The following HPS4 variants were observed in gnomAD, a reference collection of about 807,000 sequenced individuals.
The protein encoded by HPS4 is HPS4 biogenesis of lysosomal organelles complex 3 subunit 2, also known as BLOC-3 complex member HPS4.
HPS4 carries 44 observed loss-of-function variants against 70.3 expected under a neutral mutation model. The ratio of observed to expected loss-of-function variants is 0.63; its 90% CI spans 0.49 to 0.80. HPS4 has a LOEUF of 0.80. Among genes scored for constraint, HPS4 ranks in the 30% least tolerant of loss-of-function variants. HPS4 has a pLI of 0.00. For missense variants in HPS4, 873 were observed against 884.4 expected (o/e 0.99, Z 0.16); for synonymous variants, 377 against 355.9 (o/e 1.06, Z -0.67).
chr22:26,467,291 G>C (rs572497961), intron 8 of HPS4: 2 of 152,132 alleles, frequency 1.3e-5, no homozygotes, highest in South Asian at 2.1e-4. Context: ...GGCTTTGCAG[G>C]GCATATGGTC....
chr22:26,456,630 G>T (rs1013346866), intron 13 of HPS4, among the ~76,000 whole-genome samples: 1 of 152,222 alleles, frequency 6.6e-6, no homozygotes, highest in African/African-American at 2.4e-5. Flanking sequence ...CTGCACTCCA[G>T]CCTGGCGAGA....
rs1328774721 is a variant in HPS4 at position 26,452,298 on chromosome 22, T to C, written c.*935A>G. The C allele has an allele frequency of 3.5e-5, 16 of 455,556 alleles. No individual in the cohort carries two copies. The highest frequency in any genetic ancestry group is 2.2e-4 in the South Asian group (14 of 64,180). The allele number at this position is 455,556 out of a possible 1,614,324, so 28.2% of individuals were successfully genotyped here. A position where few individuals can be genotyped will look rare whatever the true frequency, so the allele number is the denominator to read the frequency against. On this transcript the variant is annotated 3_prime_UTR_variant, in exon 14 of 14. Coordinates refer to ENST00000398145, the MANE Select transcript of HPS4 (RefSeq NM_022081.6). ...TTTCATCCTGCAGTCTGTCTCATAC[T>C]GTCAAAAAAATGTCTGACTATAACG...
At chr22:26,448,770 C>T (rs918863653), downstream of HPS4, among the ~76,000 whole-genome samples, 1 of 152,198 alleles carries the variant, frequency 6.6e-6, no homozygotes. Context: ...CTATTTTCAC[C>T]TTGAAGCCCT....
chr22:26,443,209 G>A, downstream of HPS4: 1 of 1,613,554 alleles, frequency 6.2e-7, no homozygotes, highest in Non-Finnish European at 8.5e-7. Context: ...GACGATGAGA[G>A]TATTTCCCAT....
At chr22:26,463,881 C>T (rs752847714) in intron 11 of HPS4, 36 bp downstream of exon 11, 18 of 1,605,202 alleles carry the variant, frequency 1.1e-5, no homozygotes, top group Non-Finnish European at 1.5e-5. Context: ...TCGGCAGAGG[C>T]CGCAGAGGGG....
rs746808353 is a variant in HPS4 at position 26,465,459 on chromosome 22, T to C, written c.799A>G (p.Thr267Ala). Reference sequence around the variant, plus strand: ...ACTCTCTGTGCACTCCATTACCTTGTCATCTGTTCCACCGGGAACTCGTGG... The same window carrying C: ...ACTCTCTGTGCACTCCATTACCTTGCCATCTGTTCCACCGGGAACTCGTGG... ...SLHEFPVEQM[T>A]RSLASPAGLQ... The change falls in exon 10 of 14, where the codon ACA becomes GCA. Residue 267 changes from threonine to alanine, a missense_variant. Thr to Ala is a moderately conservative substitution (Grantham distance 58). Coordinates refer to ENST00000398145, the MANE Select transcript of HPS4 (RefSeq NM_022081.6). 6.2e-7 allele frequency: 1 copy of C among 1,608,938 alleles called. No homozygotes were observed. Among genetic ancestry groups the C allele is most frequent in the Non-Finnish European group, 8.5e-7 (1 of 1,175,282 alleles).
At chr22:26,468,672 A>G in intron 7 of HPS4, 49 bp from the exon 8 acceptor site, 1 of 1,540,810 alleles carries the variant, frequency 6.5e-7, no homozygotes, top group Non-Finnish European at 9.0e-7. Flanking sequence ...AAATACACCA[A>G]AACACTCCAA....
At chr22:26,458,294 G>A in intron 12 of HPS4, 151 bp downstream of exon 12, 1 of 944,460 alleles carries the variant, frequency 1.1e-6, no homozygotes, top group Non-Finnish European at 1.7e-6. Context: ...CACTCAGTGG[G>A]ACTGGGCTCC....
At chr22:26,458,821 GAA>G (rs370283156) in intron 11 of HPS4, among the ~76,000 whole-genome samples, 11 of 125,930 alleles carry the variant, frequency 8.7e-5, no homozygotes, top group Admixed American at 1.6e-4. Flanking sequence ...ACTCTGTCTC[GAA>G]AAAAAAAAAA....
chr22:26,479,316 C>T lies in HPS4; in HGVS notation c.81G>A (p.Lys27=), dbSNP rs763708665. ...YFFLYDGSKV[K]EEGDPTRAGI... is the part of the protein sequence containing the mutation. ...CAGCTCTTGTTGGATCGCCTTCTTC[C>T]TTTACCTTGGAACCATCATAAAGAA... The change falls in exon 3 of 14, where the codon AAG becomes AAA. Residue 27 remains lysine, a synonymous_variant. Transcript: ENST00000398145. 6.2e-6 allele frequency: 10 copies of T among 1,614,038 alleles called. No individual in the cohort carries two copies. The highest frequency in any genetic ancestry group is 4.5e-5 in the East Asian group (2 of 44,900).
At position 26,475,142 on chromosome 22, in the gene HPS4, C is replaced by T. The variant is rs562721139; in HGVS notation, c.276+1851G>A. ...ACTTGTATAGGAATGTTCCCAGAAGCCTTATCCTTAATATCCCCAACTGGA... is the reference window on the plus strand; with the variant it reads ...ACTTGTATAGGAATGTTCCCAGAAGTCTTATCCTTAATATCCCCAACTGGA... On this transcript the variant is annotated intron_variant, in intron 4 of 13. Coordinates refer to ENST00000398145, the MANE Select transcript of HPS4 (RefSeq NM_022081.6). 5.3e-5 allele frequency among the ~76,000 whole-genome samples: 8 copies of T among 152,250 alleles called. No homozygotes were observed. In the East Asian group the frequency reaches 1.5e-3, roughly 29 times the overall value.
chr22:26,481,123 G>C (rs561072570), intron 2 of HPS4, among the ~76,000 whole-genome samples: 1 of 151,776 alleles, frequency 6.6e-6, no homozygotes, highest in Admixed American at 6.6e-5. Flanking sequence ...ATCCCTGCTT[G>C]TGCGGGCACA....
intron 11 of HPS4, among the ~76,000 whole-genome samples, chr22:26,459,093 A>C (rs1275741645): frequency 1.3e-5 from 2 of 152,160 alleles, no homozygotes; most frequent in Non-Finnish European, 1.5e-5. Flanking sequence ...CACAATACAA[A>C]CAGCCTGGGA....
chr22:26,469,595 T>C (rs1213918892), intron 7 of HPS4, among the ~76,000 whole-genome samples: 1 of 150,998 alleles, frequency 6.6e-6, no homozygotes, highest in Non-Finnish European at 1.5e-5. Context: ...CAGTGGCTTA[T>C]GTCTATAATC....
In HPS4 at chr22:26,483,756, G is replaced by C. The variant is rs560781291; in HGVS notation, c.-561C>G. On this transcript the variant is annotated 5_prime_UTR_variant, in exon 1 of 14. Coordinates refer to ENST00000398145, the MANE Select transcript of HPS4 (RefSeq NM_022081.6). Reference sequence around the variant, plus strand: ...CAGCAGCTGGGTACCTGCGACTTCTGCCCCGTACCTGCGCGCGCGGCAGAG... The same window carrying C: ...CAGCAGCTGGGTACCTGCGACTTCTCCCCCGTACCTGCGCGCGCGGCAGAG... The C allele has an allele frequency of 9.0e-6, 5 of 555,308 alleles. No individual in the cohort carries two copies. Among genetic ancestry groups the C allele is most frequent in the East Asian group, 3.7e-5 (1 of 27,318 alleles). 34.4% of individuals were successfully genotyped at this position (555,308 alleles called of 1,614,324 possible). A position where few individuals can be genotyped will look rare whatever the true frequency, so the allele number is the denominator to read the frequency against.
In HPS4 at chr22:26,481,740, T is replaced by A. The variant is rs142329133; in HGVS notation, c.23A>T (p.Glu8Val). MATSTST[E>V]AKSASWWNYF... is the part of the protein sequence containing the mutation. ...TACTCACCACGAGGCTGACTTTGCC[T>A]CTGTGGAGGTAGAGGTGGCCATCTA... The change falls in exon 2 of 14, where the codon GAG (glutamate) becomes GTG (valine). Residue 8 changes from glutamate (E) to valine (V), a missense_variant. Physicochemically the swap from Glu to Val is moderately radical, Grantham distance 121. Transcript: ENST00000398145. 6.2e-7 allele frequency: 1 copy of A among 1,614,170 alleles called. No homozygotes were observed. Among genetic ancestry groups the A allele is most frequent in the African/African-American group, 1.3e-5 (1 of 75,046 alleles).
chr22:26,458,658 T>TAA, intron 11 of HPS4, 81 bp from the exon 12 acceptor site: 1 of 1,433,216 alleles, frequency 7.0e-7, no homozygotes, highest in Non-Finnish European at 9.5e-7. Flanking sequence ...CAGACTTAGT[T>TAA]AAAAAAAAAA....
chr22:26,459,686 G>T (rs1470874256), intron 11 of HPS4, among the ~76,000 whole-genome samples: 1 of 152,158 alleles, frequency 6.6e-6, no homozygotes, highest in Non-Finnish European at 1.5e-5. Context: ...TTAGTCAAAT[G>T]ACCAGGAGCA....
At chr22:26,454,921 G>A (rs1004741662) in intron 13 of HPS4, among the ~76,000 whole-genome samples, 21 of 152,176 alleles carry the variant, frequency 1.4e-4, no homozygotes, top group African/African-American at 3.6e-4. Flanking sequence ...AGTGGGCGAA[G>A]GATATGAACA....
Sources: gnomAD v4.1 joint callset for allele counts (sites outside exome capture counted in the v4.1 genomes callset) on GRCh38, gnomAD v4.1.1 for gene constraint, MANE v1.5 for transcripts, NCBI Gene and HGNC (gene_info 2026-07-23, HGNC 2026-07-21) for gene names.